Variants in STK17B observed in about 807,000 individuals in gnomAD.
STK17B encodes the protein serine/threonine-protein kinase 17B.
Under a neutral mutation model 42.0 loss-of-function variants are expected in STK17B, and 21 were observed. That is an observed-to-expected ratio of 0.50 (90% confidence interval 0.35 to 0.72). The LOEUF (loss-of-function observed/expected upper bound fraction) is 0.72, where lower values mean the gene tolerates loss of function less well. Among genes scored for constraint, STK17B ranks in the 30% least tolerant of loss-of-function variants. The probability of loss-of-function intolerance (pLI) is 0.00; values close to 1 mark genes in which losing one functional copy is unlikely to be tolerated. For missense variants in STK17B, 349 were observed against 446.0 expected (o/e 0.78, Z 1.96); for synonymous variants, 143 against 148.4 (o/e 0.96, Z 0.26).
At chr2:196,168,853 A>C (rs1229056178) in intron 1 of STK17B, among the ~76,000 whole-genome samples, 2 of 152,194 alleles carry the variant, frequency 1.3e-5, no homozygotes, top group Admixed American at 6.5e-5. Flanking sequence ...CATAGAATAC[A>C]AACTACAGTA....
At chr2:196,172,682 T>C (rs1699962524), upstream of STK17B, among the ~76,000 whole-genome samples, 2 of 152,236 alleles carry the variant, frequency 1.3e-5, no homozygotes, top group Non-Finnish European at 2.9e-5. Flanking sequence ...AGTCTGTTTG[T>C]TGTTACTTAG....
intron 1 of STK17B, among the ~76,000 whole-genome samples, chr2:196,170,152 T>G (rs1262181173): frequency 6.6e-6 from 1 of 151,824 alleles, no homozygotes; most frequent in Non-Finnish European, 1.5e-5. Context: ...ACCATAAAAC[T>G]AAAAAACAGT....
rs1051729382 is a variant in STK17B, at chr2:196,133,861, A to T, written c.*3586T>A. 10 of 152,234 alleles carry T rather than the reference A, an allele frequency of 6.6e-5. No homozygotes were observed. Among genetic ancestry groups the T allele is most frequent in the Admixed American group, 2.6e-4 (4 of 15,286 alleles). The allele number at this position is 152,234 out of a possible 1,614,324, so 9.4% of individuals were successfully genotyped here. A position where few individuals can be genotyped will look rare whatever the true frequency, so the allele number is the denominator to read the frequency against. ...GGCAGGAAGTTGTAATTTATGGAAA[A>T]TTTACAATTATTCTTTAAAATACTT... On this transcript the variant is annotated 3_prime_UTR_variant, in exon 8 of 8. Transcript: ENST00000263955.
chr2:196,146,500 T>TC (rs1313193664), intron 3 of STK17B, among the ~76,000 whole-genome samples: 7 of 151,576 alleles, frequency 4.6e-5, no homozygotes, highest in Non-Finnish European at 8.8e-5. Flanking sequence ...CAAGACTCCG[T>TC]CCCCAAAAAA....
chr2:196,152,297 CAG>C (rs1382188241), intron 3 of STK17B, among the ~76,000 whole-genome samples: 1 of 152,018 alleles, frequency 6.6e-6, no homozygotes, highest in Non-Finnish European at 1.5e-5. Flanking sequence ...TTAGTAGAGA[CAG>C]GGTTTCACCC....
Position 196,160,491 on chromosome 2 carries a change from C to T in STK17B, c.122+2771G>A, listed in dbSNP as rs16846003. Among the ~76,000 whole-genome samples, 2,757 of 152,254 alleles carry T rather than the reference C, an allele frequency of 0.018. 226 individuals carry two copies. The East Asian group carries it at 0.26, about 15-fold the overall frequency. On this transcript the variant is annotated intron_variant, in intron 2 of 7. Transcript: ENST00000263955. ...GAAAATGAATTATTAAACACTAACACTCTGAAATAAAAAAGTTGATTCAGA... is the reference window on the plus strand; with the variant it reads ...GAAAATGAATTATTAAACACTAACATTCTGAAATAAAAAAGTTGATTCAGA...
intron 1 of STK17B, chr2:196,171,078 C>G (rs1575190434): frequency 6.6e-6 from 1 of 152,486 alleles, no homozygotes; most frequent in African/African-American, 2.4e-5. Context: ...GCGCCCCGGG[C>G]TGAGGAGGGT....
At chr2:196,171,692 G>A (rs940718991), upstream of STK17B, 2 of 151,676 alleles carry the variant, frequency 1.3e-5, no homozygotes, top group Non-Finnish European at 1.5e-5. Context: ...GGGAGGGGCG[G>A]GGCACCGGCC....
intron 6 of STK17B, among the ~76,000 whole-genome samples, chr2:196,140,153 G>A (rs1699472924): frequency 6.6e-6 from 1 of 152,238 alleles, no homozygotes; most frequent in Non-Finnish European, 1.5e-5. Flanking sequence ...TGTAAAGAGA[G>A]GTTCTGCACA....
At chr2:196,139,244 G>A (rs995763893) in intron 7 of STK17B, among the ~76,000 whole-genome samples, 8 of 152,162 alleles carry the variant, frequency 5.3e-5, no homozygotes, top group Non-Finnish European at 1.2e-4. Context: ...GATTACAGGC[G>A]TGAGCCACCG....
chr2:196,163,384 G>A lies in STK17B; in HGVS notation c.-1C>T. 1.9e-6 allele frequency: 3 copies of A among 1,584,438 alleles called. No homozygotes were observed. The highest frequency in any genetic ancestry group is 2.3e-5 in the South Asian group (2 of 85,358). Reference sequence around the variant, plus strand: ...GGCAATCAAATCTCCTCCTCGACATGTTAGGTGATTCCCAGGTCTGCTTCT... The same window carrying A: ...GGCAATCAAATCTCCTCCTCGACATATTAGGTGATTCCCAGGTCTGCTTCT... On this transcript the variant is annotated 5_prime_UTR_variant, in exon 2 of 8. Coordinates refer to ENST00000263955, the MANE Select transcript of STK17B (RefSeq NM_004226.4).
intron 5 of STK17B, 83 bp from the exon 6 acceptor site, chr2:196,141,380 C>T: frequency 8.6e-7 from 1 of 1,162,148 alleles, no homozygotes; most frequent in Non-Finnish European, 1.2e-6. Flanking sequence ...ATAACTGGGA[C>T]TGGGCATGAT....
upstream of STK17B, among the ~76,000 whole-genome samples, chr2:196,175,347 C>T (rs895645827): frequency 3.3e-5 from 5 of 152,154 alleles, no homozygotes; most frequent in Non-Finnish European, 5.9e-5. Context: ...TTTTTCACGC[C>T]AGGTGTGGTG....
chr2:196,170,604 T>C (rs1300405807), intron 1 of STK17B, among the ~76,000 whole-genome samples: 1 of 152,218 alleles, frequency 6.6e-6, no homozygotes, highest in South Asian at 2.1e-4. Context: ...ATGAAACGCT[T>C]TTCCCTACAA....
chr2:196,170,613 A>C (rs1699927474), intron 1 of STK17B, among the ~76,000 whole-genome samples: 6 of 152,188 alleles, frequency 3.9e-5, no homozygotes. Flanking sequence ...TTTTCCCTAC[A>C]ATAAAACAAA....
intron 3 of STK17B, among the ~76,000 whole-genome samples, chr2:196,147,371 G>A (rs1360915636): frequency 2.0e-5 from 3 of 152,058 alleles, no homozygotes; most frequent in Non-Finnish European, 4.4e-5. Context: ...AATGGGCAGC[G>A]ATTCTTTAGA....
intron 3 of STK17B, among the ~76,000 whole-genome samples, chr2:196,148,893 A>C (rs1699621529): frequency 6.6e-6 from 1 of 152,234 alleles, no homozygotes; most frequent in South Asian, 2.1e-4. Context: ...AGCATGGTGC[A>C]TATAGGAGTG....
chr2:196,171,872 A>C (rs1294081990), upstream of STK17B, among the ~76,000 whole-genome samples: 1 of 151,898 alleles, frequency 6.6e-6, no homozygotes, highest in African/African-American at 2.4e-5. Context: ...CGGGGCTGGA[A>C]CTACTGCTCT....
chr2:196,162,725 C>A (rs1699827955), intron 2 of STK17B, among the ~76,000 whole-genome samples: 1 of 150,878 alleles, frequency 6.6e-6, no homozygotes, highest in Non-Finnish European at 1.5e-5. Flanking sequence ...TGGAGAAACC[C>A]TGTCTCTACA....
Sources: gnomAD v4.1 joint callset for allele counts (sites outside exome capture counted in the v4.1 genomes callset) on GRCh38, gnomAD v4.1.1 for gene constraint, MANE v1.5 for transcripts, NCBI Gene and HGNC (gene_info 2026-07-23, HGNC 2026-07-21) for gene names.